The following LUM variants were observed in gnomAD, a reference collection of about 807,000 sequenced individuals.
LUM encodes KSPG lumican.
Under a neutral mutation model 20.5 loss-of-function variants are expected in LUM, and 13 were observed. The observed-to-expected ratio is 0.63, with a 90% CI of 0.41 to 1.01. LUM has a LOEUF of 1.01. Ranked by LOEUF, LUM falls within the 50% of genes least tolerant of loss-of-function variation. The pLI is 0.00. For missense variants in LUM, 321 were observed against 391.1 expected, an observed-to-expected ratio of 0.82 and a Z score of 1.51; for synonymous variants, 173 against 151.5, an observed-to-expected ratio of 1.14 and a Z score of -1.04.
At position 91,108,930 on chromosome 12, in the gene LUM, C is replaced by T. The variant is rs777568966; in HGVS notation, c.50G>A (p.Ser17Asn). Residue 17 changes from serine (S) to asparagine (N), a missense_variant, in exon 2 of 3, where the codon AGT becomes AAT. Coordinates refer to ENST00000266718, the MANE Select transcript of LUM (RefSeq NM_002345.4). The surrounding 1 kb of genome is among the most constrained non-coding windows in gnomAD (Gnocchi z 4.2). ...TLFLALIGGT[S>N]GQYYDYDFPL... ...AAAATCATAATCATAGTACTGGCCACTGGTACCACCAATCAATGCCAGGAA... is the reference window on the plus strand; with the variant it reads ...AAAATCATAATCATAGTACTGGCCATTGGTACCACCAATCAATGCCAGGAA... 1.2e-5 allele frequency: 19 copies of T among 1,613,672 alleles called. No homozygotes were observed. The highest frequency in any genetic ancestry group is 4.5e-5 in the East Asian group (2 of 44,796).
At chr12:91,107,268 A>AG (rs1491554230) in intron 2 of LUM, among the ~76,000 whole-genome samples, 3 of 80,812 alleles carry the variant, frequency 3.7e-5, no homozygotes, top group Non-Finnish European at 7.3e-5. Flanking sequence ...AGAAAGAAAG[A>AG]AAGAAAGAAA....
At chr12:91,107,287 GAGAAAGAAAGAAAGAAAGAA>G (rs869096187) in intron 2 of LUM, among the ~76,000 whole-genome samples, 11 of 61,322 alleles carry the variant, frequency 1.8e-4, no homozygotes, top group African/African-American at 6.0e-4. Context: ...AAGAAAGAAA[GAGAAAGAAAGAAAGAAAGAA>G]AGAAAGAAAG....
rs1214391084 is a variant in LUM at position 91,108,504 on chromosome 12, A to G, written c.476T>C (p.Val159Ala). 1.2e-6 allele frequency: 2 copies of G among 1,613,792 alleles called. No individual in the cohort carries two copies. The highest frequency in any genetic ancestry group is 1.7e-6 in the Non-Finnish European group (2 of 1,179,740). The change falls in exon 2 of 3, where the codon GTA becomes GCA. Residue 159 changes from valine to alanine, a missense_variant. Transcript: ENST00000266718. The surrounding 1 kb of genome is among the most constrained non-coding windows in gnomAD (Gnocchi z 4.2). Reference protein sequence around the residue: ...ITKLGSFEGLVNLTFIHLQHN... With the variant: ...ITKLGSFEGLANLTFIHLQHN... ...CTGGAGATGGATGAAGGTCAGGTTT[A>G]CCAATCCTTCAAAAGAGCCCAGCTT...
intron 2 of LUM, among the ~76,000 whole-genome samples, chr12:91,106,711 A>AAAAC (rs398020575): frequency 2.7e-5 from 4 of 147,138 alleles, no homozygotes; most frequent in East Asian, 4.7e-4. Flanking sequence ...AAAAAAAAAA[A>AAAAC]GATGTTAGAA....
At position 91,108,553 on chromosome 12, in the gene LUM, G is replaced by T; in HGVS notation, c.427C>A (p.Gln143Lys). 4.3e-6 allele frequency: 7 copies of T among 1,611,094 alleles called. No homozygotes were observed. The highest frequency in any genetic ancestry group is 5.9e-6 in the Non-Finnish European group (7 of 1,177,864). Residue 143 changes from glutamine (Q) to lysine (K), a missense_variant, in exon 2 of 3, where the codon CAG (glutamine) becomes AAG (lysine). Coordinates refer to ENST00000266718, the MANE Select transcript of LUM (RefSeq NM_002345.4). The surrounding 1 kb of genome is among the most constrained non-coding windows in gnomAD (Gnocchi z 4.2). The stretch of plus-strand genomic sequence containing the variant: ...TTTGTGATCTTGTTATGAGTAAGCT[G>T]CAGATCCTCCAGAGATTTGGGAAGT... ...GPLPKSLEDL[Q>K]LTHNKITKLG...
At chr12:91,110,448 T>C (rs777165069) in intron 1 of LUM, among the ~76,000 whole-genome samples, 1 of 152,156 alleles carries the variant, frequency 6.6e-6, no homozygotes, top group Non-Finnish European at 1.5e-5. Flanking sequence ...AGTAAATTAC[T>C]CTCTAAGATT....
chr12:91,104,109 T>G lies in LUM; in HGVS notation c.*56A>C. On this transcript the variant is annotated 3_prime_UTR_variant, in exon 3 of 3. Coordinates refer to ENST00000266718, the MANE Select transcript of LUM (RefSeq NM_002345.4). The stretch of plus-strand genomic sequence containing the variant: ...AAACAGTAATAAAATATGGATACTA[T>G]GAAAACTGACACACAGAAAAACATA... 3 of 1,422,216 alleles carry G rather than the reference T, an allele frequency of 2.1e-6. No homozygotes were observed. Among genetic ancestry groups the G allele is most frequent in the Non-Finnish European group, 3.0e-6 (3 of 1,010,430 alleles). 88.1% of individuals were successfully genotyped at this position (1,422,216 alleles called of 1,614,324 possible).
intron 1 of LUM, among the ~76,000 whole-genome samples, chr12:91,109,829 C>T (rs1181277457): frequency 2.6e-5 from 4 of 152,078 alleles, no homozygotes; most frequent in Non-Finnish European, 4.4e-5. Context: ...CTCAATTACT[C>T]ACAAGTTCTC....
At chr12:91,105,928 T>C (rs1240848417) in intron 2 of LUM, among the ~76,000 whole-genome samples, 1 of 152,224 alleles carries the variant, frequency 6.6e-6, no homozygotes, top group Non-Finnish European at 1.5e-5. Context: ...GCATCGTAAA[T>C]TCCTTTAGCA....
chr12:91,108,066 G>A lies in LUM; in HGVS notation c.862+52C>T. The stretch of plus-strand genomic sequence containing the variant: ...TGCAATATCTGTGTTGTGCAGCCCA[G>A]GTATTTAAACACTTGAGCACACATC... On this transcript the variant is annotated intron_variant, in intron 2 of 2. Transcript: ENST00000266718. This position sits in a 1 kb window ranked among gnomAD's most constrained non-coding sequence, Gnocchi z 4.2. 1 of 1,589,506 alleles carries A rather than the reference G, an allele frequency of 6.3e-7. No homozygotes were observed. The highest frequency in any genetic ancestry group is 8.6e-7 in the Non-Finnish European group (1 of 1,158,376).
In LUM at chr12:91,104,267, C is replaced by T. The variant is rs1452034944; in HGVS notation, c.915G>A (p.Lys305=). The part of the protein sequence containing the change: ...CKILGPLSYS[K]IKHLRLDGNR... ...TGCCATCCAAACGCAAATGCTTGAT[C>T]TTGGAGTAGGATAATGGCCCCAGGA... The change falls in exon 3 of 3, where the codon AAG becomes AAA. Residue 305 remains lysine, a synonymous_variant. Transcript: ENST00000266718. 7 of 1,612,802 alleles carry T rather than the reference C, an allele frequency of 4.3e-6. No homozygotes were observed. Among genetic ancestry groups the T allele is most frequent in the Non-Finnish European group, 5.9e-6 (7 of 1,179,258 alleles).
intron 2 of LUM, among the ~76,000 whole-genome samples, chr12:91,106,246 A>G (rs567775423): frequency 5.9e-5 from 9 of 152,350 alleles, no homozygotes; most frequent in African/African-American, 1.9e-4. Flanking sequence ...ATATATTGTA[A>G]TATTTTCTGA....
At position 91,104,007 on chromosome 12, in the gene LUM, T is replaced by A. The variant is rs114330989; in HGVS notation, c.*158A>T. ...GTGTGTTCTTGTGATGAAATAGGCC[T>A]GCCTTTCATCTTTTCTTTAAAAAAA... On this transcript the variant is annotated 3_prime_UTR_variant, in exon 3 of 3. Coordinates refer to ENST00000266718, the MANE Select transcript of LUM (RefSeq NM_002345.4). The A allele has an allele frequency of 5.1e-6, 3 of 594,050 alleles. No individual in the cohort carries two copies. In the South Asian group the frequency reaches 6.8e-5, roughly 13 times the overall value. 36.8% of individuals were successfully genotyped at this position (594,050 alleles called of 1,614,324 possible). A position where few individuals can be genotyped will look rare whatever the true frequency, so the allele number is the denominator to read the frequency against.
intron 2 of LUM, among the ~76,000 whole-genome samples, chr12:91,105,333 ATTAAG>A (rs747455960): frequency 1.3e-5 from 2 of 152,182 alleles, no homozygotes; most frequent in Non-Finnish European, 2.9e-5. Flanking sequence ...TGAAGATTAA[ATTAAG>A]TTGTGTAGAG....
intron 2 of LUM, among the ~76,000 whole-genome samples, chr12:91,107,434 A>G (rs1340542159): frequency 3.9e-5 from 6 of 152,058 alleles, no homozygotes; most frequent in African/African-American, 1.2e-4. Flanking sequence ...GAGTTTGCCA[A>G]CTGTGCCACT....
At chr12:91,110,237 T>C (rs77289134) in intron 1 of LUM, among the ~76,000 whole-genome samples, 4,751 of 152,312 alleles carry the variant, frequency 0.031, 249 homozygotes, top group East Asian at 0.26. Context: ...ATTATATCTT[T>C]CTATGAAAGT....
rs760543022 is a variant in LUM at position 91,108,365 on chromosome 12, G to A, written c.615C>T (p.Val205=). ...QIARLPSGLP[V]SLLTLYLDNN... is the part of the protein sequence containing the mutation. The stretch of plus-strand genomic sequence containing the variant: ...TGTCTAAGTAGAGAGTTAGAAGAGA[G>A]ACAGGGAGACCAGAAGGCAGTCTGG... The change falls in exon 2 of 3, where the codon GTC becomes GTT. Residue 205 remains valine (V), a synonymous_variant. Coordinates refer to ENST00000266718, the MANE Select transcript of LUM (RefSeq NM_002345.4). This position sits in a 1 kb window ranked among gnomAD's most constrained non-coding sequence, Gnocchi z 4.2. 2 of 1,614,172 alleles carry A rather than the reference G, an allele frequency of 1.2e-6. No individual in the cohort carries two copies. The highest frequency in any genetic ancestry group is 3.3e-5 in the Admixed American group (2 of 60,026).
Position 91,104,030 on chromosome 12 carries a change from AAAAT to A in LUM, c.*131_*134del. 1 of 735,350 alleles carries A rather than the reference AAAAT, an allele frequency of 1.4e-6. No individual in the cohort carries two copies. Among genetic ancestry groups the A allele is most frequent in the Non-Finnish European group, 2.2e-6 (1 of 461,128 alleles). 45.6% of individuals were successfully genotyped at this position (735,350 alleles called of 1,614,324 possible). Reference sequence around the variant, plus strand: ...CCTGCCTTTCATCTTTTCTTTAAAAAAAATAAATGTTTACAAAACATTTCCCTCA... The same window carrying A: ...CCTGCCTTTCATCTTTTCTTTAAAAAAAATGTTTACAAAACATTTCCCTCA... On this transcript the variant is annotated 3_prime_UTR_variant, in exon 3 of 3. Transcript: ENST00000266718.
intron 2 of LUM, among the ~76,000 whole-genome samples, chr12:91,104,720 T>A (rs1381507236): frequency 6.6e-6 from 1 of 152,144 alleles, no homozygotes; most frequent in Non-Finnish European, 1.5e-5. Context: ...TGGTTTTACA[T>A]CTAAAAATAA....
Sources: gnomAD v4.1 joint callset for allele counts (sites outside exome capture counted in the v4.1 genomes callset) on GRCh38, gnomAD v4.1.1 for gene constraint, Gnocchi (gnomAD v3.1) non-coding constraint, MANE v1.5 for transcripts, NCBI Gene and HGNC (gene_info 2026-07-23, HGNC 2026-07-21) for gene names.